SLC1A6: variants seen among roughly 807,000 people sequenced by gnomAD.
SLC1A6 encodes the protein solute carrier family 1 member 6.
In SLC1A6, 15 loss-of-function variants were observed where a neutral mutation model predicts 42.1. That is an observed-to-expected ratio of 0.36 (90% CI 0.24 to 0.55). The LOEUF is 0.55. Ranked by LOEUF, SLC1A6 falls within the 20% of genes least tolerant of loss-of-function variation. SLC1A6 has a pLI of 0.88. For missense variants in SLC1A6, 542 were observed against 772.5 expected (o/e 0.70, Z 3.54); for synonymous variants, 317 against 319.7 (o/e 0.99, Z 0.09).
exon 1 of SLC1A6, chr19:15,010,600 T>G: frequency 1.6e-6 from 1 of 643,628 alleles, no homozygotes; most frequent in Non-Finnish European, 2.8e-6. Flanking sequence ...GGGCTCTTTC[T>G]CAAGGAGTCA....
Position 14,979,231 on chromosome 19 carries a change from T to G in SLC1A6, c.-8+78A>C, listed in dbSNP as rs2045746567. The G allele has an allele frequency of 6.7e-6, 1 of 150,348 alleles. No individual in the cohort carries two copies. Among genetic ancestry groups the G allele is most frequent in the African/African-American group, 2.5e-5 (1 of 40,150 alleles). The allele number at this position is 150,348 out of a possible 1,614,324, so 9.3% of individuals were successfully genotyped here. A position where few individuals can be genotyped will look rare whatever the true frequency, so the allele number is the denominator to read the frequency against. Reference sequence around the variant, plus strand: ...GGGCTCGGTGCTGGAAACGTGCCTGTGTGCGGAGGCCACGGGTTGGGGAGG... The same window carrying G: ...GGGCTCGGTGCTGGAAACGTGCCTGGGTGCGGAGGCCACGGGTTGGGGAGG... On this transcript the variant is annotated intron_variant, in intron 1 of 9. Transcript: ENST00000594383. This position sits in a 1 kb window ranked among gnomAD's most constrained non-coding sequence, Gnocchi z 4.2.
chr19:15,009,377 A>C (rs979271969), intron 1 of SLC1A6, among the ~76,000 whole-genome samples: 1 of 152,112 alleles, frequency 6.6e-6, no homozygotes, highest in Admixed American at 6.6e-5. Flanking sequence ...TATGTGCTCT[A>C]TATATAGCAG....
At chr19:15,000,609 G>A (rs7254238) in intron 1 of SLC1A6, among the ~76,000 whole-genome samples, 1 of 151,952 alleles carries the variant, frequency 6.6e-6, no homozygotes, top group East Asian at 1.9e-4. Flanking sequence ...TTATCCAACC[G>A]GATGGACTCA....
chr19:14,974,765 C>T (rs2045684686), intron 1 of SLC1A6: 1 of 151,848 alleles, frequency 6.6e-6, no homozygotes, highest in Non-Finnish European at 1.5e-5. Context: ...TGTGAATTCC[C>T]CTCAATTTTA....
chr19:14,984,997 T>C (rs367649479), intron 1 of SLC1A6, among the ~76,000 whole-genome samples: 5 of 152,184 alleles, frequency 3.3e-5, no homozygotes, highest in African/African-American at 1.2e-4. Context: ...TTCTCCTGCC[T>C]CAGCCTCCTG....
chr19:14,953,038 A>G lies in SLC1A6; in HGVS notation c.1389T>C (p.Val463=). 6.2e-7 allele frequency: 1 copy of G among 1,613,738 alleles called. No homozygotes were observed. The highest frequency in any genetic ancestry group is 8.5e-7 in the Non-Finnish European group (1 of 1,179,828). The stretch of plus-strand genomic sequence containing the variant: ...CCGCCTGGGGGATGCCAGCAGCCCC[A>G]ACACTGGCTGCTGTGGCCGTGATGC... ...TISITATAAS[V]GAAGIPQAGL... The change falls in exon 9 of 10, where the codon GTT becomes GTC. Residue 463 remains valine, a synonymous_variant. Transcript: ENST00000594383.
intron 6 of SLC1A6, among the ~76,000 whole-genome samples, chr19:14,958,146 C>T (rs759257086): frequency 5.9e-5 from 9 of 152,096 alleles, no homozygotes; most frequent in Admixed American, 2.0e-4. Context: ...CATGGTGGCT[C>T]ATGCCTGTAA....
In SLC1A6 at chr19:14,956,366, C is replaced by T. The variant is rs1052611206; in HGVS notation, c.1169+110G>A. 9.1e-6 allele frequency: 6 copies of T among 656,710 alleles called. No homozygotes were observed. In the Admixed American group the frequency reaches 9.4e-5, roughly 10 times the overall value. 40.7% of individuals were successfully genotyped at this position (656,710 alleles called of 1,614,324 possible). A position where few individuals can be genotyped will look rare whatever the true frequency, so the allele number is the denominator to read the frequency against. On this transcript the variant is annotated intron_variant, in intron 7 of 9. Transcript: ENST00000594383. The stretch of plus-strand genomic sequence containing the variant: ...ATTATGAGCCCTGGACATTGTTGGA[C>T]GACTCAGAAGAGGTGTTTAAGGAAT...
chr19:14,984,016 GCAACTT>G (rs370313176), upstream of SLC1A6, among the ~76,000 whole-genome samples: 134 of 152,186 alleles, frequency 8.8e-4, 3 homozygotes, highest in African/African-American at 3.1e-3. Context: ...AGTGTTCAAA[GCAACTT>G]TATAGGGCTG....
chr19:14,970,527 C>T (rs35166598), intron 3 of SLC1A6, among the ~76,000 whole-genome samples: 27,367 of 150,832 alleles, frequency 0.18, 2,860 homozygotes, highest in African/African-American at 0.29. Context: ...CTGGCTAGCA[C>T]GGTGAAACCC....
At chr19:14,961,836 A>G in intron 6 of SLC1A6, 166 bp downstream of exon 6, 1 of 1,019,496 alleles carries the variant, frequency 9.8e-7, no homozygotes, top group Non-Finnish European at 1.4e-6. Flanking sequence ...CTAGTGATGA[A>G]ATCATCCCAG....
At chr19:14,976,852 CT>C in intron 1 of SLC1A6, 1 of 152,368 alleles carries the variant, frequency 6.6e-6, no homozygotes, top group Non-Finnish European at 1.5e-5. Flanking sequence ...CTGCCACTGG[CT>C]TTTCTGGGAT....
At chr19:15,009,261 GATATCTATATATCTATAAATATCATAT>G (rs1455682864) in intron 1 of SLC1A6, among the ~76,000 whole-genome samples, 511 of 150,128 alleles carry the variant, frequency 3.4e-3, no homozygotes, top group African/African-American at 0.011. Context: ...ATATCACATA[GATATCTATATATCTATAAATATCATAT>G]ATATGCTCTC....
intron 1 of SLC1A6, among the ~76,000 whole-genome samples, chr19:14,999,026 C>T (rs1021492096): frequency 5.3e-5 from 8 of 151,836 alleles, no homozygotes; most frequent in African/African-American, 7.3e-5. Context: ...TACAGGTGCC[C>T]GCCACCACAC....
Position 14,970,728 on chromosome 19 carries a change from AG to A in SLC1A6, c.343+1008del, listed in dbSNP as rs564461065. 4.0e-3 allele frequency among the ~76,000 whole-genome samples: 604 copies of A among 151,656 alleles called. 4 individuals are homozygous for A. Among genetic ancestry groups the A allele is most frequent in the African/African-American group, 0.014 (575 of 41,314 alleles). ...TCTGTCTCAAAAAAAAAAAGAATATAGTATATAATACTTACAGCATACAAAA... is the reference window on the plus strand; with the variant it reads ...TCTGTCTCAAAAAAAAAAAGAATATATATATAATACTTACAGCATACAAAA... On this transcript the variant is annotated intron_variant, in intron 3 of 9. Coordinates refer to ENST00000594383, the MANE Select transcript of SLC1A6 (RefSeq NM_005071.3).
chr19:15,006,190 AT>A (rs2145245633), intron 1 of SLC1A6, among the ~76,000 whole-genome samples: 1 of 152,260 alleles, frequency 6.6e-6, no homozygotes, highest in African/African-American at 2.4e-5. Flanking sequence ...ATATTAACTC[AT>A]TGTCTCCATG....
chr19:14,992,843 A>G (rs529180321), intron 1 of SLC1A6, among the ~76,000 whole-genome samples: 19 of 152,224 alleles, frequency 1.2e-4, no homozygotes, highest in Admixed American at 1.2e-3. Context: ...GTGGAGCTTG[A>G]ACACGAGCTG....
chr19:15,004,109 T>C (rs1406716824), intron 1 of SLC1A6, among the ~76,000 whole-genome samples: 1 of 151,986 alleles, frequency 6.6e-6, no homozygotes, highest in Non-Finnish European at 1.5e-5. Flanking sequence ...TGAGCCAAGA[T>C]CACACCACTG....
chr19:14,983,819 T>G (rs571855271), upstream of SLC1A6, among the ~76,000 whole-genome samples: 1 of 151,194 alleles, frequency 6.6e-6, no homozygotes, highest in Admixed American at 6.6e-5. Context: ...CAGACATAAC[T>G]TCTAGTACTG....
Sources: allele counts gnomAD v4.1 joint callset (sites outside exome capture counted in the v4.1 genomes callset), GRCh38; gene constraint gnomAD v4.1.1; non-coding constraint Gnocchi (gnomAD v3.1); transcripts MANE v1.5; gene names NCBI Gene and HGNC (gene_info 2026-07-23, HGNC 2026-07-21).